The following XPOT variants were observed in gnomAD, a reference collection of about 807,000 sequenced individuals.
XPOT encodes exportin-T.
Under a neutral mutation model 128.2 loss-of-function variants are expected in XPOT, and 34 were observed. The ratio of observed to expected loss-of-function variants is 0.27; its 90% CI spans 0.20 to 0.35. XPOT has a LOEUF of 0.35. Ranked by LOEUF, XPOT falls within the 10% of genes least tolerant of loss-of-function variation. The pLI, the probability that XPOT is intolerant of heterozygous loss-of-function variation, is 1.00. For synonymous variants in XPOT, 348 were observed against 394.3 expected, an observed-to-expected ratio of 0.88 and a Z score of 1.39; for missense variants, 838 against 1,125.3, an observed-to-expected ratio of 0.74 and a Z score of 3.65.
intron 7 of XPOT, 34 bp from the exon 8 acceptor site, chr12:64,420,319 T>C (rs768352661): frequency 4.4e-6 from 7 of 1,602,538 alleles, no homozygotes; most frequent in East Asian, 2.2e-5. Flanking sequence ...CTCATGACTT[T>C]GAAAATGTTA....
In XPOT at chr12:64,450,900, T is replaced by C. The variant is rs1442339356; in HGVS notation, c.*2769T>C. 7 of 152,272 alleles carry C rather than the reference T, an allele frequency of 4.6e-5. No individual in the cohort carries two copies. Among genetic ancestry groups the C allele is most frequent in the African/African-American group, 9.6e-5 (4 of 41,472 alleles). 9.4% of individuals were successfully genotyped at this position (152,272 alleles called of 1,614,324 possible). On this transcript the variant is annotated 3_prime_UTR_variant, in exon 25 of 25. Transcript: ENST00000332707. ...GAAAACACTGTGTGGTATTTTAATG[T>C]GGTAAACATGTGAATGAAGGCCTGT...
intron 22 of XPOT, among the ~76,000 whole-genome samples, chr12:64,436,022 T>A (rs2040278995): frequency 6.6e-6 from 1 of 152,110 alleles, no homozygotes. Flanking sequence ...AGTGGCATGA[T>A]CTCGGCTCAC....
chr12:64,419,404 G>A (rs1165854048), intron 6 of XPOT, among the ~76,000 whole-genome samples: 3 of 152,026 alleles, frequency 2.0e-5, no homozygotes, highest in South Asian at 4.1e-4. Context: ...TGCAACCTCC[G>A]CCTCCTGGGT....
At chr12:64,416,628 C>A (rs1223351716) in intron 3 of XPOT, 70 bp from the exon 4 acceptor site, 6 of 1,297,438 alleles carry the variant, frequency 4.6e-6, no homozygotes, top group Non-Finnish European at 5.5e-6. Context: ...TTACTCATTA[C>A]TATTTTGCCT....
At position 64,437,108 on chromosome 12, in the gene XPOT, A is replaced by AT. The variant is rs199829063; in HGVS notation, c.2733+1440dup. 9.5e-3 allele frequency among the ~76,000 whole-genome samples: 1,446 copies of AT among 152,196 alleles called. 21 individuals are homozygous for AT. Among genetic ancestry groups the AT allele is most frequent in the African/African-American group, 0.033 (1,353 of 41,524 alleles). On this transcript the variant is annotated intron_variant, in intron 22 of 24. Transcript: ENST00000332707. Reference sequence around the variant, plus strand: ...TCAGCTGTGCACTCATTTGAACTTGATTTTTTGATTCTGATAGAGACTTGA... The same window carrying AT: ...TCAGCTGTGCACTCATTTGAACTTGATTTTTTTGATTCTGATAGAGACTTGA...
chr12:64,447,758 G>T (rs1052228955), intron 24 of XPOT, among the ~76,000 whole-genome samples: 1 of 152,066 alleles, frequency 6.6e-6, no homozygotes. Flanking sequence ...CGCCGTGCCC[G>T]TCCTCAATAT....
At chr12:64,414,233 GCT>G (rs1305769091) in intron 2 of XPOT, among the ~76,000 whole-genome samples, 28 of 152,176 alleles carry the variant, frequency 1.8e-4, no homozygotes, top group Non-Finnish European at 2.4e-4. Flanking sequence ...GAGTACTCTT[GCT>G]CCTTGTTGGC....
intron 18 of XPOT, among the ~76,000 whole-genome samples, chr12:64,432,505 A>G (rs978151934): frequency 3.3e-5 from 5 of 152,092 alleles, no homozygotes; most frequent in East Asian, 3.9e-4. Flanking sequence ...CTCGGCCTCC[A>G]TAAGTGCTAG....
intron 2 of XPOT, among the ~76,000 whole-genome samples, chr12:64,412,117 G>A (rs190086764): frequency 6.2e-5 from 9 of 145,614 alleles, no homozygotes; most frequent in East Asian, 6.2e-4. Flanking sequence ...TCCAACTCCC[G>A]GGTTCAAGAG....
chr12:64,424,874 T>G, intron 12 of XPOT, 151 bp downstream of exon 12: 1 of 1,344,192 alleles, frequency 7.4e-7, no homozygotes, highest in Non-Finnish European at 1.0e-6. Context: ...TCTTCTTGAT[T>G]TATCTTGATC....
At chr12:64,447,981 G>A (rs955558815) in intron 24 of XPOT, 124 bp from the exon 25 acceptor site, 1 of 856,222 alleles carries the variant, frequency 1.2e-6, no homozygotes, top group East Asian at 2.5e-5. Context: ...GGATATATAA[G>A]GCATGCGAAA....
intron 22 of XPOT, 49 bp from the exon 23 acceptor site, chr12:64,439,195 T>C (rs2040305874): frequency 6.5e-7 from 1 of 1,545,590 alleles, no homozygotes; most frequent in South Asian, 1.1e-5. Flanking sequence ...CTTTTTAAGC[T>C]TATTAATGTC....
intron 21 of XPOT, among the ~76,000 whole-genome samples, chr12:64,435,356 C>G (rs889864765): frequency 1.3e-5 from 2 of 152,178 alleles, no homozygotes; most frequent in Admixed American, 6.5e-5. Flanking sequence ...TTCTCACTTT[C>G]CCACAACCTG....
chr12:64,431,509 A>T, intron 17 of XPOT, 29 bp from the exon 18 acceptor site: 1 of 1,604,458 alleles, frequency 6.2e-7, no homozygotes, highest in Non-Finnish European at 8.5e-7. Context: ...ATAAAGTTGC[A>T]TCTGATTGCC....
intron 2 of XPOT, among the ~76,000 whole-genome samples, chr12:64,411,591 G>A (rs916733081): frequency 6.6e-6 from 1 of 152,134 alleles, no homozygotes; most frequent in African/African-American, 2.4e-5. Context: ...TAAGCATCCA[G>A]GTCCAGGCAT....
intron 14 of XPOT, 165 bp from the exon 15 acceptor site, chr12:64,425,650 T>G: frequency 1.1e-6 from 1 of 944,536 alleles, no homozygotes; most frequent in African/African-American, 1.6e-5. Context: ...CTAAAACAAG[T>G]TCTCAAGGGA....
intron 11 of XPOT, among the ~76,000 whole-genome samples, chr12:64,424,229 T>C (rs2040169437): frequency 6.6e-6 from 1 of 152,234 alleles, no homozygotes; most frequent in Non-Finnish European, 1.5e-5. Flanking sequence ...CCCATTCTAG[T>C]GCTAGAGTAT....
At position 64,446,964 on chromosome 12, in the gene XPOT, T is replaced by G. The variant is rs1438006117; in HGVS notation, c.2863-1141T>G. ...GAGACTGGGCAATTTACAAAATAGCTTTATTGGATTTACAGTTCCACATGG... is the reference window on the plus strand; with the variant it reads ...GAGACTGGGCAATTTACAAAATAGCGTTATTGGATTTACAGTTCCACATGG... On this transcript the variant is annotated intron_variant, in intron 24 of 24. Transcript: ENST00000332707. Among the ~76,000 whole-genome samples the G allele has an allele frequency of 3.3e-5, 5 of 152,164 alleles. No individual in the cohort carries two copies. In the South Asian group the frequency reaches 8.3e-4, roughly 25 times the overall value.
chr12:64,406,843 C>T lies in XPOT; in HGVS notation c.-75+2039C>T, dbSNP rs534593199. The stretch of plus-strand genomic sequence containing the variant: ...GGGGGCGAAGGGAACCAGTGCCTTT[C>T]TTTGTGTTTTTCTGTCTTTTAAAAA... On this transcript the variant is annotated intron_variant, in intron 1 of 24. Coordinates refer to ENST00000332707, the MANE Select transcript of XPOT (RefSeq NM_007235.6). 2.6e-5 allele frequency among the ~76,000 whole-genome samples: 4 copies of T among 152,216 alleles called. No individual in the cohort carries two copies. The South Asian group carries it at 8.3e-4, about 32-fold the overall frequency.
Sources: allele counts gnomAD v4.1 joint callset (sites outside exome capture counted in the v4.1 genomes callset), GRCh38; gene constraint gnomAD v4.1.1; transcripts MANE v1.5; gene names NCBI Gene and HGNC (gene_info 2026-07-23, HGNC 2026-07-21).